SLC9C1: variants seen among roughly 807,000 people sequenced by gnomAD.
SLC9C1 encodes solute carrier family 9 member C1.
In SLC9C1, 97 loss-of-function variants were observed where a neutral mutation model predicts 140.9. The ratio of observed to expected loss-of-function variants is 0.69; its 90% CI spans 0.58 to 0.82. The LOEUF is 0.82. Among genes scored for constraint, SLC9C1 ranks in the 40% least tolerant of loss-of-function variants. The probability of loss-of-function intolerance (pLI) is 0.00; values close to 1 mark genes in which losing one functional copy is unlikely to be tolerated. For missense variants in SLC9C1, 1,340 were observed against 1,389.3 expected (o/e 0.96, Z 0.56); for synonymous variants, 440 against 442.6 (o/e 0.99, Z 0.07).
In SLC9C1 at chr3:112,278,744, T is replaced by C; in HGVS notation, c.303A>G (p.Gln101=). 6.2e-7 allele frequency: 1 copy of C among 1,600,736 alleles called. No homozygotes were observed. The highest frequency in any genetic ancestry group is 1.1e-5 in the South Asian group (1 of 88,352). ...TAFDMDTYML[Q]KLFWQILLIS... ...GAATGCTTACCTGCCAAAATAACTT[T>C]TGAAGCATGTACGTATCCATGTCAA... The change falls in exon 4 of 29, where the codon CAA becomes CAG. Residue 101 remains glutamine, a synonymous_variant. Transcript: ENST00000305815.
chr3:112,158,950 A>T lies in SLC9C1; in HGVS notation c.3365-3901T>A, dbSNP rs1035739950. ...AAGGTTTTGTTAATTATCTTTTTTAAAAAAAAATATTTTTGCCAACTTTTA... is the reference window on the plus strand; with the variant it reads ...AAGGTTTTGTTAATTATCTTTTTTATAAAAAAATATTTTTGCCAACTTTTA... On this transcript the variant is annotated intron_variant, in intron 26 of 28. Transcript: ENST00000305815. Among the ~76,000 whole-genome samples, 6 of 149,644 alleles carry T rather than the reference A, an allele frequency of 4.0e-5. 1 individual carries two copies. Among genetic ancestry groups the T allele is most frequent in the Admixed American group, 1.3e-4 (2 of 15,096 alleles).
intron 27 of SLC9C1, 106 bp downstream of exon 27, chr3:112,154,891 G>T: frequency 1.9e-6 from 2 of 1,028,494 alleles, no homozygotes; most frequent in Non-Finnish European, 2.9e-6. Context: ...AAAATGACTA[G>T]CAGATGAACT....
At chr3:112,178,458 T>C (rs543752601) in intron 23 of SLC9C1, among the ~76,000 whole-genome samples, 2 of 152,330 alleles carry the variant, frequency 1.3e-5, no homozygotes, top group East Asian at 1.9e-4. Flanking sequence ...ATTGATTTGT[T>C]AAAGAAATCA....
At chr3:112,170,328 G>A (rs1284113015) in intron 23 of SLC9C1, among the ~76,000 whole-genome samples, 3 of 152,194 alleles carry the variant, frequency 2.0e-5, no homozygotes, top group African/African-American at 7.2e-5. Flanking sequence ...TCTGACTAGT[G>A]TAAGGTGGTA....
chr3:112,216,789 C>G (rs1046636313), intron 15 of SLC9C1, among the ~76,000 whole-genome samples: 20 of 152,204 alleles, frequency 1.3e-4, no homozygotes, highest in African/African-American at 4.8e-4. Context: ...TTGTGGAAGA[C>G]AGTGTGGCGA....
intron 19 of SLC9C1, 102 bp downstream of exon 19, chr3:112,200,609 A>G (rs1352665863): frequency 4.1e-6 from 4 of 982,184 alleles, no homozygotes; most frequent in Non-Finnish European, 6.3e-6. Flanking sequence ...ATTGTTAGTG[A>G]GTAGGTTTCC....
chr3:112,177,362 C>T (rs1399358858), intron 23 of SLC9C1, among the ~76,000 whole-genome samples: 2 of 151,860 alleles, frequency 1.3e-5, no homozygotes, highest in African/African-American at 2.4e-5. Context: ...AGTTGTGTCT[C>T]ATCCTGGGCA....
At chr3:112,200,604 TAGTG>T in intron 19 of SLC9C1, 103 bp downstream of exon 19, 1 of 915,988 alleles carries the variant, frequency 1.1e-6, no homozygotes. Context: ...TCAGTATTGT[TAGTG>T]AGTAGGTTTC....
chr3:112,175,480 G>C (rs1028628465), intron 23 of SLC9C1, among the ~76,000 whole-genome samples: 7 of 152,220 alleles, frequency 4.6e-5, no homozygotes, highest in Non-Finnish European at 1.0e-4. Context: ...TAGAGCAGCT[G>C]TGCTAGCTGG....
chr3:112,185,678 G>C, intron 20 of SLC9C1: 1 of 1,551,648 alleles, frequency 6.4e-7, no homozygotes, highest in South Asian at 1.2e-5. Flanking sequence ...GGGTGCTCCG[G>C]AGGCGTGCAC....
At position 112,266,235 on chromosome 3, in the gene SLC9C1, TACTC is replaced by T. The variant is rs1427995531; in HGVS notation, c.877_878+2del. 6.3e-7 allele frequency: 1 copy of T among 1,589,236 alleles called. No homozygotes were observed. Among genetic ancestry groups the T allele is most frequent in the Non-Finnish European group, 8.6e-7 (1 of 1,160,416 alleles). On this transcript the variant is annotated splice_donor_variant and coding_sequence_variant, in exon 8 of 29. Coordinates refer to ENST00000305815, the MANE Select transcript of SLC9C1 (RefSeq NM_183061.3). LOFTEE classifies it high-confidence loss of function. ...ATAAAGTCAAAATATGCTATCCACTTACTCAAGAAGAAGTGTTTCTTCAATTGCT... is the reference window on the plus strand; with the variant it reads ...ATAAAGTCAAAATATGCTATCCACTTAAGAAGAAGTGTTTCTTCAATTGCT...
chr3:112,228,364 C>A (rs920997406), intron 13 of SLC9C1, among the ~76,000 whole-genome samples: 2 of 152,012 alleles, frequency 1.3e-5, no homozygotes, highest in African/African-American at 4.8e-5. Flanking sequence ...TGAAACTAAA[C>A]CCTTGTCTCT....
At position 112,277,761 on chromosome 3, in the gene SLC9C1, A is replaced by G; in HGVS notation, c.418T>C (p.Leu140=). 1.2e-6 allele frequency: 2 copies of G among 1,612,550 alleles called. No individual in the cohort carries two copies. Among genetic ancestry groups the G allele is most frequent in the Admixed American group, 1.7e-5 (1 of 59,844 alleles). The change falls in exon 5 of 29, where the codon TTA becomes CTA. Residue 140 remains leucine (L), a synonymous_variant. Coordinates refer to ENST00000305815, the MANE Select transcript of SLC9C1 (RefSeq NM_183061.3). The stretch of plus-strand genomic sequence containing the variant: ...CTCACAAGGATAGCTGAAAATAATA[A>G]CCATTGGGTAGGCTTCAAAAGTAAT... ...NQLLLKPTQW[L]LFSAILVSSD...
intron 26 of SLC9C1, 35 bp from the exon 27 acceptor site, chr3:112,155,084 C>T (rs773343674): frequency 2.2e-5 from 34 of 1,547,094 alleles, no homozygotes; most frequent in Middle Eastern, 1.7e-4. Context: ...GTTAATTCAA[C>T]CACTGAAGCA....
Position 112,281,945 on chromosome 3 carries a change from CCA to C in SLC9C1, c.89-1164_89-1163del, listed in dbSNP as rs201634815. Among the ~76,000 whole-genome samples, 681 of 152,140 alleles carry C rather than the reference CCA, an allele frequency of 4.5e-3. 9 individuals carry two copies. Among genetic ancestry groups the C allele is most frequent in the East Asian group, 0.013 (65 of 5,166 alleles). On this transcript the variant is annotated intron_variant, in intron 2 of 28. Coordinates refer to ENST00000305815, the MANE Select transcript of SLC9C1 (RefSeq NM_183061.3). ...GGATATGTAATGTTGAAGAAGAAGCCCACAGTGGCGGATCATCCACATCAGAT... is the reference window on the plus strand; with the variant it reads ...GGATATGTAATGTTGAAGAAGAAGCCCAGTGGCGGATCATCCACATCAGAT...
At chr3:112,276,922 C>T (rs2080229812) in intron 5 of SLC9C1, among the ~76,000 whole-genome samples, 1 of 152,098 alleles carries the variant, frequency 6.6e-6, no homozygotes, top group East Asian at 1.9e-4. Context: ...GTCTCCCCTA[C>T]TCTATATTTC....
At chr3:112,179,838 T>C in intron 22 of SLC9C1, 137 bp from the exon 23 acceptor site, 1 of 683,062 alleles carries the variant, frequency 1.5e-6, no homozygotes. Context: ...ATTTTATTTC[T>C]TTTTAAGTAA....
At chr3:112,246,016 A>G (rs1318008696) in intron 10 of SLC9C1, among the ~76,000 whole-genome samples, 1 of 152,144 alleles carries the variant, frequency 6.6e-6, no homozygotes, top group Admixed American at 6.6e-5. Flanking sequence ...TAACTCTGCC[A>G]GGCAAGTTTG....
Position 112,286,848 on chromosome 3 carries a change from C to CATCTTG in SLC9C1, c.-63_-58dup. ...TAGAAGCAATCTCCATATGATCATC[C>CATCTTG]ATCTTGTTGTTTTTCACAGTCCATC... On this transcript the variant is annotated 5_prime_UTR_variant, in exon 2 of 29. In the 5' UTR this introduces an upstream ATG that the reference lacks. Transcript: ENST00000305815. 8.2e-7 allele frequency: 1 copy of CATCTTG among 1,226,176 alleles called. No homozygotes were observed. Among genetic ancestry groups the CATCTTG allele is most frequent in the African/African-American group, 1.5e-5 (1 of 65,466 alleles). 76.0% of individuals were successfully genotyped at this position (1,226,176 alleles called of 1,614,324 possible). A position where few individuals can be genotyped will look rare whatever the true frequency, so the allele number is the denominator to read the frequency against.
Sources: allele counts gnomAD v4.1 joint callset (sites outside exome capture counted in the v4.1 genomes callset), GRCh38; gene constraint gnomAD v4.1.1; transcripts MANE v1.5; gene names NCBI Gene and HGNC (gene_info 2026-07-23, HGNC 2026-07-21).